The following PCNT variants were observed in gnomAD, a reference collection of about 807,000 sequenced individuals.
PCNT encodes kendrin.
Under a neutral mutation model 380.4 loss-of-function variants are expected in PCNT, and 319 were observed. That is an observed-to-expected ratio of 0.84 (90% CI 0.77 to 0.92). PCNT has a LOEUF of 0.92. PCNT is among the 40% of genes least tolerant of loss of function. PCNT has a pLI of 0.00. For synonymous variants in PCNT, 1,845 were observed against 1,735.2 expected, an observed-to-expected ratio of 1.06 and a Z score of -1.57; for missense variants, 4,400 against 4,255.3, an observed-to-expected ratio of 1.03 and a Z score of -0.95.
rs531229465 is a variant in PCNT at position 46,341,797 on chromosome 21, G to A, written c.640-4331G>A. Among the ~76,000 whole-genome samples, 140 of 152,130 alleles carry A rather than the reference G, an allele frequency of 9.2e-4. 1 individual carries two copies. Among genetic ancestry groups the A allele is most frequent in the African/African-American group, 3.2e-3 (134 of 41,490 alleles). ...TGGGCTCAAGCAGTCTTTCTACTCA[G>A]CCTCCTGAGTAGCTGGGAACACAGG... On this transcript the variant is annotated intron_variant, in intron 3 of 46. Transcript: ENST00000359568.
In PCNT at chr21:46,355,498, A is replaced by G. The variant is rs1422798005; in HGVS notation, c.1808A>G (p.His603Arg). 1 of 1,614,058 alleles carries G rather than the reference A, an allele frequency of 6.2e-7. No individual in the cohort carries two copies. Among genetic ancestry groups the G allele is most frequent in the Non-Finnish European group, 8.5e-7 (1 of 1,180,018 alleles). ...FQAELEESHR[H>R]QLEALESPLC... The stretch of plus-strand genomic sequence containing the variant: ...GCGGAGTTAGAAGAAAGCCACAGGC[A>G]CCAGCTGGAAGCGCTGGAGTCTCCC... Residue 603 changes from histidine (H) to arginine (R), a missense_variant, in exon 12 of 47, where the codon CAC (histidine) becomes CGC (arginine). Physicochemically the swap from His to Arg is conservative, Grantham distance 29 (BLOSUM62 0). Transcript: ENST00000359568.
chr21:46,332,996 C>G (rs577792712), intron 2 of PCNT, among the ~76,000 whole-genome samples: 1 of 152,342 alleles, frequency 6.6e-6, no homozygotes, highest in African/African-American at 2.4e-5. Context: ...GCCAGTAGTT[C>G]CAGCTACTCA....
intron 3 of PCNT, among the ~76,000 whole-genome samples, chr21:46,337,005 T>C (rs1286169494): frequency 6.6e-6 from 1 of 152,024 alleles, no homozygotes; most frequent in African/African-American, 2.4e-5. Context: ...TTTGTTTGTT[T>C]GTTTGTTTTT....
In PCNT at chr21:46,412,891, G is replaced by A; in HGVS notation, c.6049G>A (p.Glu2017Lys). Residue 2017 changes from glutamate to lysine, a missense_variant, in exon 29 of 47, where the codon GAA becomes AAA. By Grantham distance (56) the Glu-to-Lys change is moderately conservative (BLOSUM62 1). Transcript: ENST00000359568. ...TLKDAPLCKQ[E>K]GVMSVLTVCQ... is the part of the protein sequence containing the mutation. ...GAAGGATGCACCTCTCTGCAAGCAA[G>A]AAGGCGTGATGTCAGTGCTCACCGT... 1 of 1,612,958 alleles carries A rather than the reference G, an allele frequency of 6.2e-7. No individual in the cohort carries two copies. The highest frequency in any genetic ancestry group is 8.5e-7 in the Non-Finnish European group (1 of 1,180,026).
chr21:46,416,365 G>T lies in PCNT; in HGVS notation c.6447G>T (p.Ala2149=), dbSNP rs763122571. The T allele has an allele frequency of 6.2e-7, 1 of 1,614,078 alleles. No homozygotes were observed. ...TTATCAAAAATCAGGCCATAGACGC[G>T]TGTGATGCCAATACAACCCCAGGGG... ...TDVIKNQAID[A]CDANTTPGGV... is the part of the protein sequence containing the mutation. Residue 2149 remains alanine (A), a synonymous_variant, in exon 30 of 47, where the codon GCG becomes GCT. Transcript: ENST00000359568.
chr21:46,354,472 C>G (rs1046171699), intron 11 of PCNT, among the ~76,000 whole-genome samples: 23 of 152,234 alleles, frequency 1.5e-4, no homozygotes, highest in Non-Finnish European at 2.9e-5. Context: ...CTTCTGTCAC[C>G]TTTAACTTCT....
Position 46,416,715 on chromosome 21 carries a change from C to T in PCNT, c.6797C>T (p.Thr2266Ile). 6.3e-7 allele frequency: 1 copy of T among 1,578,250 alleles called. No individual in the cohort carries two copies. Among genetic ancestry groups the T allele is most frequent in the East Asian group, 2.2e-5 (1 of 44,474 alleles). The stretch of plus-strand genomic sequence containing the variant: ...ACATCCCTGGGGGACAGGGCGGACA[C>T]CTCGCTGCCACAGACCCAGGGGCCG... ...ADTSLGDRADTSLPQTQGPGL... is the reference protein window; with the variant it reads ...ADTSLGDRADISLPQTQGPGL... Residue 2266 changes from threonine to isoleucine, a missense_variant, in exon 30 of 47, where the codon ACC becomes ATC. Physicochemically the swap from Thr to Ile is moderately conservative, Grantham distance 89. Transcript: ENST00000359568.
At chr21:46,329,009 C>G (rs570565045) in intron 2 of PCNT, among the ~76,000 whole-genome samples, 1 of 149,488 alleles carries the variant, frequency 6.7e-6, no homozygotes, top group African/African-American at 2.5e-5. Flanking sequence ...CTCCTGACCT[C>G]GTGATCCACC....
In PCNT at chr21:46,355,639, C is replaced by T. The variant is rs552126504; in HGVS notation, c.1936+13C>T. The T allele has an allele frequency of 1.2e-5, 20 of 1,612,674 alleles. No individual in the cohort carries two copies. Among genetic ancestry groups the T allele is most frequent in the South Asian group, 6.6e-5 (6 of 90,942 alleles). On this transcript the variant is annotated intron_variant, in intron 12 of 46. Coordinates refer to ENST00000359568, the MANE Select transcript of PCNT (RefSeq NM_006031.6). ...GGGCACAGCCAAGGTGGGCCCCTCC[C>T]GCCTCGCCATGGTGTCGGCAGGTCC...
At position 46,357,046 on chromosome 21, in the gene PCNT, T is replaced by C. The variant is rs766582016; in HGVS notation, c.2009T>C (p.Val670Ala). 2 of 1,613,946 alleles carry C rather than the reference T, an allele frequency of 1.2e-6. No homozygotes were observed. Among genetic ancestry groups the C allele is most frequent in the Non-Finnish European group, 1.7e-6 (2 of 1,180,000 alleles). The stretch of plus-strand genomic sequence containing the variant: ...GCCGACACAGAGCGGGCAGCCAGAG[T>C]CTTGGGTCTGGAAACTGAGCACAAG... ...LEADTERAAR[V>A]LGLETEHKVQ... Residue 670 changes from valine to alanine, a missense_variant, in exon 13 of 47, where the codon GTC becomes GCC. Coordinates refer to ENST00000359568, the MANE Select transcript of PCNT (RefSeq NM_006031.6).
At position 46,388,692 on chromosome 21, in the gene PCNT, G is replaced by T. The variant is rs774910287; in HGVS notation, c.3465-50G>T. The T allele has an allele frequency of 6.2e-7, 1 of 1,609,564 alleles. No homozygotes were observed. The highest frequency in any genetic ancestry group is 1.1e-5 in the South Asian group (1 of 91,026). ...CCCCTCAGCAGCATCCAGGGTGGGG[G>T]TTCTTATGCCGTGACCAGCTTGCCT... On this transcript the variant is annotated intron_variant, in intron 17 of 46. Transcript: ENST00000359568. The surrounding 1 kb of genome is among the most constrained non-coding windows in gnomAD (Gnocchi z 4.2).
In PCNT at chr21:46,367,310, C is replaced by CT. The variant is rs35676009; in HGVS notation, c.3165+187dup. ...ACTTCTGGTCTCTTTGTGAACTGGG[C>CT]TTTTTTTTTTTTTTTTGAGCCGGAG... On this transcript the variant is annotated intron_variant, in intron 15 of 46. Transcript: ENST00000359568. Among the ~76,000 whole-genome samples the CT allele has an allele frequency of 0.34, 44,557 of 132,630 alleles. 8,146 individuals are homozygous for CT. Among genetic ancestry groups the CT allele is most frequent in the Admixed American group, 0.42 (5,432 of 13,032 alleles). 87.0% of individuals were successfully genotyped at this position (132,630 alleles called of 152,430 possible).
chr21:46,360,022 A>C (rs1287000606), intron 13 of PCNT, among the ~76,000 whole-genome samples: 1 of 150,462 alleles, frequency 6.6e-6, no homozygotes, highest in Non-Finnish European at 1.5e-5. Context: ...GTGCTGAGCT[A>C]ATTTTTGTAT....
intron 8 of PCNT, 42 bp downstream of exon 8, chr21:46,349,862 G>A: frequency 1.3e-6 from 2 of 1,599,962 alleles, no homozygotes; most frequent in Non-Finnish European, 1.7e-6. Flanking sequence ...GTATATTAGG[G>A]AAGTTTTAAC....
intron 16 of PCNT, among the ~76,000 whole-genome samples, chr21:46,383,846 C>T (rs1393110633): frequency 8.1e-6 from 1 of 123,746 alleles, no homozygotes; most frequent in African/African-American, 3.1e-5. Context: ...GCGCATTCAC[C>T]ATGTTGTATA....
intron 35 of PCNT, among the ~76,000 whole-genome samples, chr21:46,429,650 C>T (rs929104250): frequency 5.3e-5 from 8 of 152,174 alleles, no homozygotes; most frequent in African/African-American, 1.9e-4. Flanking sequence ...GGGGTTATTT[C>T]TTCCTTAAGT....
chr21:46,408,060 A>C (rs1234049988), intron 27 of PCNT, among the ~76,000 whole-genome samples: 1 of 152,222 alleles, frequency 6.6e-6, no homozygotes, highest in Non-Finnish European at 1.5e-5. Context: ...ACAGTTTTAT[A>C]AATTTTGAAA....
At position 46,432,201 on chromosome 21, in the gene PCNT, G is replaced by T. The variant is rs2087797158; in HGVS notation, c.8737G>T (p.Asp2913Tyr). The change falls in exon 38 of 47, where the codon GAC (aspartate) becomes TAC (tyrosine). Residue 2913 changes from aspartate to tyrosine, a missense_variant. By Grantham distance (160) the Asp-to-Tyr change is radical (BLOSUM62 -3). Transcript: ENST00000359568. ...GGAGCAGTGGAGGAAGTGGCAGAGAGACAAGGAGAAGCTGGTGAGAGCCGC... is the reference window on the plus strand; with the variant it reads ...GGAGCAGTGGAGGAAGTGGCAGAGATACAAGGAGAAGCTGGTGAGAGCCGC... ...AAEQWRKWQR[D>Y]KEKLRELELQ... is the part of the protein sequence containing the mutation. 1 of 1,610,596 alleles carries T rather than the reference G, an allele frequency of 6.2e-7. No individual in the cohort carries two copies. Among genetic ancestry groups the T allele is most frequent in the Non-Finnish European group, 8.5e-7 (1 of 1,179,170 alleles).
intron 15 of PCNT, among the ~76,000 whole-genome samples, chr21:46,368,270 C>T (rs2084997702): frequency 6.6e-6 from 1 of 152,094 alleles, no homozygotes; most frequent in Non-Finnish European, 1.5e-5. Context: ...ACGGTGAAAC[C>T]CCGTCTCTAC....
Sources: allele counts gnomAD v4.1 joint callset (sites outside exome capture counted in the v4.1 genomes callset), GRCh38; gene constraint gnomAD v4.1.1; non-coding constraint Gnocchi (gnomAD v3.1); transcripts MANE v1.5; gene names NCBI Gene and HGNC (gene_info 2026-07-23, HGNC 2026-07-21).